MYCBP2: variants seen among roughly 807,000 people sequenced by gnomAD.
The protein encoded by MYCBP2 is E3 ubiquitin-protein ligase MYCBP2.
MYCBP2 carries 120 observed loss-of-function variants against 525.3 expected under a neutral mutation model. The ratio of observed to expected loss-of-function variants is 0.23; its 90% confidence interval spans 0.20 to 0.27. The LOEUF (loss-of-function observed/expected upper bound fraction) is 0.27. MYCBP2 is among the 10% of genes least tolerant of loss of function. The probability of loss-of-function intolerance (pLI) is 1.00; values close to 1 mark genes in which losing one functional copy is unlikely to be tolerated. For synonymous variants in MYCBP2, 1,894 were observed against 1,955.8 expected (o/e 0.97, Z 0.83); for missense variants, 4,149 against 5,657.1 (o/e 0.73, Z 8.55).
intron 57 of MYCBP2, 133 bp from the exon 58 acceptor site, chr13:77,095,735 A>G (rs921840739): frequency 9.9e-6 from 11 of 1,110,206 alleles, no homozygotes; most frequent in South Asian, 6.8e-5. Flanking sequence ...ATAAGATTAT[A>G]AAAAACAACA....
At chr13:77,144,038 A>G (rs1465220452) in intron 49 of MYCBP2, 1 of 192,372 alleles carries the variant, frequency 5.2e-6, no homozygotes, top group Non-Finnish European at 1.1e-5. Flanking sequence ...CGATTTAAAA[A>G]TGCATTCATT....
At position 77,180,241 on chromosome 13, in the gene MYCBP2, G is replaced by A; in HGVS notation, c.5019C>T (p.Val1673=). The change falls in exon 34 of 83, where the codon GTC becomes GTT. Residue 1673 remains valine (V), a synonymous_variant. Coordinates refer to ENST00000544440, the MANE Select transcript of MYCBP2 (RefSeq NM_015057.5). ...EKMLVIVVLP[V]RNSLRRENEL... ...CATTTTCTCTCCTCAGGCTGTTCCT[G>A]ACTGGTAGCACAACAATGACCAGCA... is the stretch of plus-strand genomic sequence containing the variant. 1 of 1,614,190 alleles carries A rather than the reference G, an allele frequency of 6.2e-7. No individual in the cohort carries two copies. Among genetic ancestry groups the A allele is most frequent in the Non-Finnish European group, 8.5e-7 (1 of 1,180,022 alleles).
intron 79 of MYCBP2, 106 bp downstream of exon 79, chr13:77,056,880 G>C: frequency 1.3e-6 from 1 of 767,680 alleles, no homozygotes; most frequent in Non-Finnish European, 2.2e-6. Flanking sequence ...GAAACTGCTA[G>C]GGGCTGGTGG....
intron 50 of MYCBP2, 144 bp downstream of exon 50, chr13:77,140,702 A>G: frequency 1.4e-6 from 1 of 705,244 alleles, no homozygotes; most frequent in East Asian, 2.6e-5. Context: ...ATTACCATGA[A>G]CTACTCTCTA....
rs189559875 is a variant in MYCBP2, at chr13:77,046,014, T to C, written c.13922-521A>G. 3.3e-4 allele frequency among the ~76,000 whole-genome samples: 50 copies of C among 152,292 alleles called. 2 individuals are homozygous for C. In the East Asian group the frequency reaches 5.6e-3, roughly 17 times the overall value. On this transcript the variant is annotated intron_variant, in intron 82 of 82. Transcript: ENST00000544440. ...GAAGGCCAATGATTCCTGTAATTTT[T>C]AAAAGTACCTGAAGGATATTAGCAG...
intron 37 of MYCBP2, among the ~76,000 whole-genome samples, chr13:77,172,410 C>T (rs1275723240): frequency 6.6e-6 from 1 of 152,040 alleles, no homozygotes; most frequent in African/African-American, 2.4e-5. Context: ...ACATTTTATA[C>T]TGGTATGAGA....
At chr13:77,090,507 A>G (rs1326957412) in intron 59 of MYCBP2, 2 of 293,558 alleles carry the variant, frequency 6.8e-6, no homozygotes, top group Admixed American at 5.1e-5. Context: ...TTAAATGAAA[A>G]AGAAGAAAGG....
intron 2 of MYCBP2, 105 bp downstream of exon 2, chr13:77,296,494 G>T: frequency 8.0e-7 from 1 of 1,252,150 alleles, no homozygotes; most frequent in Non-Finnish European, 1.1e-6. Flanking sequence ...AATTACTTCA[G>T]CACATACTAA....
intron 1 of MYCBP2, among the ~76,000 whole-genome samples, chr13:77,305,261 T>G (rs1055815901): frequency 2.6e-5 from 4 of 152,004 alleles, no homozygotes; most frequent in African/African-American, 9.7e-5. Context: ...GCAAAAATAC[T>G]GCACAGCCAA....
intron 18 of MYCBP2, among the ~76,000 whole-genome samples, chr13:77,227,896 G>A (rs1466658222): frequency 6.6e-6 from 1 of 152,048 alleles, no homozygotes; most frequent in Admixed American, 6.6e-5. Flanking sequence ...TTATTTAGAG[G>A]TCAAAATAAT....
chr13:77,263,651 T>G lies in MYCBP2; in HGVS notation c.1570A>C (p.Ser524Arg). The part of the protein sequence containing the change: ...FDLEKDLHII[S>R]TGFDEESAIL... Reference sequence around the variant, plus strand: ...GAAAACACTTAATTTGCTATCTTACTTATAATATGCAAGTCCTTTTCCAGA... The same window carrying G: ...GAAAACACTTAATTTGCTATCTTACGTATAATATGCAAGTCCTTTTCCAGA... Residue 524 changes from serine (S) to arginine (R), a missense_variant and splice_region_variant, in exon 10 of 83, where the codon AGT becomes CGT. Transcript: ENST00000544440. 6.2e-7 allele frequency: 1 copy of G among 1,609,200 alleles called. No individual in the cohort carries two copies. Among genetic ancestry groups the G allele is most frequent in the Non-Finnish European group, 8.5e-7 (1 of 1,177,626 alleles).
At chr13:77,173,875 G>A (rs776606891) in intron 37 of MYCBP2, among the ~76,000 whole-genome samples, 4 of 151,824 alleles carry the variant, frequency 2.6e-5, no homozygotes, top group Non-Finnish European at 5.9e-5. Context: ...GGGCCCCAGG[G>A]GGCAGGTCCA....
At chr13:77,059,647 A>T in intron 76 of MYCBP2, 21 bp from the exon 77 acceptor site, 1 of 1,568,090 alleles carries the variant, frequency 6.4e-7, no homozygotes, top group Non-Finnish European at 8.8e-7. Context: ...GCAGAAAAAT[A>T]AAAATCCTTC....
intron 5 of MYCBP2, among the ~76,000 whole-genome samples, chr13:77,272,159 C>T (rs1207792214): frequency 6.6e-6 from 1 of 152,192 alleles, no homozygotes; most frequent in Non-Finnish European, 1.5e-5. Context: ...TATTTGACAG[C>T]TCTCTATGCT....
At chr13:77,319,754 C>T (rs990655400) in intron 1 of MYCBP2, among the ~76,000 whole-genome samples, 4 of 152,194 alleles carry the variant, frequency 2.6e-5, no homozygotes, top group African/African-American at 9.7e-5. Context: ...ACAGTGCATG[C>T]CAAGCGTTAT....
chr13:77,151,148 G>A (rs563016951), intron 46 of MYCBP2, among the ~76,000 whole-genome samples, 199 bp from the exon 47 acceptor site: 44 of 152,102 alleles, frequency 2.9e-4, no homozygotes, highest in African/African-American at 1.0e-3. Context: ...CCATGAACAC[G>A]GTGTAAAAAC....
intron 1 of MYCBP2, among the ~76,000 whole-genome samples, chr13:77,303,914 T>C (rs555807199): frequency 5.3e-5 from 8 of 152,260 alleles, no homozygotes; most frequent in South Asian, 2.1e-4. Flanking sequence ...AGACATTCAA[T>C]AGAGGTTATC....
intron 46 of MYCBP2, 29 bp from the exon 47 acceptor site, chr13:77,150,978 C>A (rs756401644): frequency 1.3e-6 from 2 of 1,540,980 alleles, no homozygotes; most frequent in East Asian, 2.3e-5. Flanking sequence ...AAACCAAATA[C>A]CATTATTATT....
At chr13:77,140,993 A>T (rs952796379) in intron 49 of MYCBP2, 50 bp from the exon 50 acceptor site, 1 of 1,330,170 alleles carries the variant, frequency 7.5e-7, no homozygotes, top group African/African-American at 1.5e-5. Context: ...AAGAGAAGGA[A>T]GATCCTTAAA....
Sources: allele counts gnomAD v4.1 joint callset (sites outside exome capture counted in the v4.1 genomes callset), GRCh38; gene constraint gnomAD v4.1.1; transcripts MANE v1.5; gene names NCBI Gene and HGNC (gene_info 2026-07-23, HGNC 2026-07-21).